Variants in PARP4 observed in about 807,000 individuals in gnomAD.
The protein encoded by PARP4 is protein mono-ADP-ribosyltransferase PARP4.
A neutral mutation model predicts 187.7 loss-of-function variants in PARP4; 120 were observed. The observed-to-expected ratio is 0.64, with a 90% CI of 0.55 to 0.74. The LOEUF (loss-of-function observed/expected upper bound fraction) is 0.74. Among genes scored for constraint, PARP4 ranks in the 30% least tolerant of loss-of-function variants. The pLI is 0.00. For missense variants in PARP4, 1,836 were observed against 2,070.5 expected (o/e 0.89, Z 2.20); for synonymous variants, 654 against 740.9 (o/e 0.88, Z 1.90).
intron 6 of PARP4, 40 bp from the exon 7 acceptor site, chr13:24,494,762 T>A: frequency 1.4e-6 from 2 of 1,418,700 alleles, no homozygotes; most frequent in Non-Finnish European, 1.9e-6. Context: ...AGTCATTATT[T>A]ACATATCTAG....
At chr13:24,455,312 T>C in intron 21 of PARP4, 100 bp from the exon 22 acceptor site, 1 of 719,322 alleles carries the variant, frequency 1.4e-6, no homozygotes, top group Non-Finnish European at 2.2e-6. Flanking sequence ...GGTAAACTAA[T>C]GCTATAAAAA....
At chr13:24,483,122 C>G (rs1464457197) in intron 12 of PARP4, among the ~76,000 whole-genome samples, 1 of 152,076 alleles carries the variant, frequency 6.6e-6, no homozygotes, top group Non-Finnish European at 1.5e-5. Context: ...TGGGCTCAAG[C>G]AGTCCTCCTG....
Position 24,456,398 on chromosome 13 carries a change from C to A in PARP4, c.2505G>T (p.Leu835Phe), listed in dbSNP as rs1871853667. Residue 835 changes from leucine to phenylalanine, a missense_variant, in exon 21 of 34, where the codon TTG (leucine) becomes TTT (phenylalanine). Leu to Phe is a conservative substitution (Grantham distance 22). This residue lies in a region of PARP4 where 1,147 missense variants were observed against 1,214.2 expected (regional missense o/e 0.94). Transcript: ENST00000381989. ...DSSGFSLHIG[L>F]SAAYLPRMWV... The stretch of plus-strand genomic sequence containing the variant: ...ACATTCTTGGGAGATAGGCAGCAGA[C>A]AAACCGATGTGGAGAGAAAATCCAC... 3 of 1,612,424 alleles carry A rather than the reference C, an allele frequency of 1.9e-6. No individual in the cohort carries two copies. Among genetic ancestry groups the A allele is most frequent in the African/African-American group, 2.7e-5 (2 of 74,886 alleles).
chr13:24,454,339 G>A (rs1367194026), intron 22 of PARP4, among the ~76,000 whole-genome samples: 1 of 152,200 alleles, frequency 6.6e-6, no homozygotes, highest in Non-Finnish European at 1.5e-5. Flanking sequence ...ACAGCAGACT[G>A]TACCTCTGGG....
rs565065421 is a variant in PARP4, at chr13:24,431,372, C to T, written c.4846+5G>A. The T allele has an allele frequency of 6.7e-7, 1 of 1,500,342 alleles. No homozygotes were observed. Among genetic ancestry groups the T allele is most frequent in the African/African-American group, 1.4e-5 (1 of 71,386 alleles). The allele number at this position is 1,500,342 out of a possible 1,614,324, so 92.9% of individuals were successfully genotyped here. On this transcript the variant is annotated splice_donor_5th_base_variant and intron_variant, in intron 32 of 33. Coordinates refer to ENST00000381989, the MANE Select transcript of PARP4 (RefSeq NM_006437.4). ...GACTTAATAAATGGAAACATAGTGC[C>T]TTACCTAGAGATTGAATGCCTTTTT...
chr13:24,472,743 C>A (rs1420152944), intron 15 of PARP4, among the ~76,000 whole-genome samples: 1 of 152,128 alleles, frequency 6.6e-6, no homozygotes, highest in Non-Finnish European at 1.5e-5. Context: ...CTGGCTGCGG[C>A]CCCAGCACCC....
intron 11 of PARP4, 57 bp downstream of exon 11, chr13:24,486,111 A>G: frequency 6.6e-7 from 1 of 1,508,510 alleles, no homozygotes. Flanking sequence ...AAAAGAAGTA[A>G]AACACTTCAC....
At chr13:24,467,229 C>A (rs1872520464) in intron 17 of PARP4, among the ~76,000 whole-genome samples, 1 of 152,182 alleles carries the variant, frequency 6.6e-6, no homozygotes, top group South Asian at 2.1e-4. Context: ...GTTTCGGCAC[C>A]ACAATTTTCT....
rs778459033 is a variant in PARP4, at chr13:24,452,635, T to C, written c.2827-42A>G. 9 of 1,515,276 alleles carry C rather than the reference T, an allele frequency of 5.9e-6. No homozygotes were observed. In the Admixed American group the frequency reaches 1.0e-4, roughly 17 times the overall value. 93.9% of individuals were successfully genotyped at this position (1,515,276 alleles called of 1,614,324 possible). A position where few individuals can be genotyped will look rare whatever the true frequency, so the allele number is the denominator to read the frequency against. ...GAAAGATTATGTTCTCCTTGTTGGA[T>C]GCAGTCACCATTTGCTGTCATCATT... On this transcript the variant is annotated intron_variant, in intron 23 of 33. Coordinates refer to ENST00000381989, the MANE Select transcript of PARP4 (RefSeq NM_006437.4).
chr13:24,427,732 T>C (rs1870131954), intron 32 of PARP4, among the ~76,000 whole-genome samples: 1 of 152,090 alleles, frequency 6.6e-6, no homozygotes, highest in African/African-American at 2.4e-5. Context: ...ATAATGTTCT[T>C]AATAGAGGAA....
At chr13:24,473,050 C>A (rs1462166183) in intron 15 of PARP4, among the ~76,000 whole-genome samples, 3 of 152,048 alleles carry the variant, frequency 2.0e-5, no homozygotes, top group African/African-American at 4.8e-5. Context: ...CCCATCTCGA[C>A]CTCCCAAGTA....
intron 5 of PARP4, among the ~76,000 whole-genome samples, 179 bp from the exon 6 acceptor site, chr13:24,498,408 C>G (rs1459584721): frequency 6.6e-6 from 1 of 152,180 alleles, no homozygotes; most frequent in Admixed American, 6.5e-5. Flanking sequence ...AATACGATCA[C>G]TATTAATATT....
intron 30 of PARP4, among the ~76,000 whole-genome samples, chr13:24,440,988 C>T (rs767421917): frequency 7.9e-5 from 12 of 152,178 alleles, no homozygotes; most frequent in Non-Finnish European, 1.0e-4. Context: ...CCTCCTGCCA[C>T]AGCCTCTTGA....
At chr13:24,428,226 T>C (rs900737795) in intron 32 of PARP4, among the ~76,000 whole-genome samples, 1 of 152,194 alleles carries the variant, frequency 6.6e-6, no homozygotes, top group African/African-American at 2.4e-5. Context: ...TCCCATCCCC[T>C]TGCATCTGTG....
chr13:24,429,141 C>G, intron 32 of PARP4, among the ~76,000 whole-genome samples: 1 of 152,148 alleles, frequency 6.6e-6, no homozygotes, highest in Middle Eastern at 3.4e-3. Flanking sequence ...ATTGCAGATA[C>G]TATATTTTCC....
Position 24,446,746 on chromosome 13 carries a change from G to A in PARP4, c.3301C>T (p.Leu1101=). 6.3e-7 allele frequency: 1 copy of A among 1,594,248 alleles called. No individual in the cohort carries two copies. Among genetic ancestry groups the A allele is most frequent in the Non-Finnish European group, 8.6e-7 (1 of 1,161,902 alleles). ...PHCTQATLCA[L]IQEKEFRTMV... is the part of the protein sequence containing the mutation. The stretch of plus-strand genomic sequence containing the variant: ...GTACGAAATTCTTTCTCTTGAATTA[G>A]TGCACACAGAGTTGCCTGAAATGGG... Residue 1101 remains leucine (L), a synonymous_variant, in exon 27 of 34, where the codon CTA becomes TTA. Coordinates refer to ENST00000381989, the MANE Select transcript of PARP4 (RefSeq NM_006437.4).
At chr13:24,496,022 T>C (rs896186167) in intron 6 of PARP4, among the ~76,000 whole-genome samples, 1 of 151,740 alleles carries the variant, frequency 6.6e-6, no homozygotes, top group African/African-American at 2.4e-5. Context: ...CCCTGAGGGA[T>C]GTCCTGGCCT....
chr13:24,493,764 A>G, intron 7 of PARP4, 31 bp from the exon 8 acceptor site: 1 of 1,610,278 alleles, frequency 6.2e-7, no homozygotes, highest in Admixed American at 1.7e-5. Context: ...TGCCACCAAA[A>G]AGTCATCATG....
At chr13:24,471,578 T>C (rs1219199260) in intron 15 of PARP4, among the ~76,000 whole-genome samples, 4 of 151,930 alleles carry the variant, frequency 2.6e-5, no homozygotes, top group South Asian at 2.1e-4. Context: ...TCAAAATGTA[T>C]GAGCCATGCA....
Sources: allele counts gnomAD v4.1 joint callset (sites outside exome capture counted in the v4.1 genomes callset), GRCh38; gene constraint gnomAD v4.1.1; regional missense constraint gnomAD v4.1.1; transcripts MANE v1.5; gene names NCBI Gene and HGNC (gene_info 2026-07-23, HGNC 2026-07-21).